ABCD3: variants seen among roughly 807,000 people sequenced by gnomAD.
ABCD3 encodes ATP-binding cassette sub-family D member 3.
ABCD3 carries 41 observed loss-of-function variants against 105.5 expected under a neutral mutation model. The ratio of observed to expected loss-of-function variants is 0.39; its 90% confidence interval spans 0.30 to 0.50. ABCD3 has a LOEUF of 0.50. ABCD3 is among the 20% of genes least tolerant of loss of function. The probability of loss-of-function intolerance (pLI) is 0.84; values close to 1 mark genes in which losing one functional copy is unlikely to be tolerated. For missense variants in ABCD3, 622 were observed against 806.3 expected (o/e 0.77, Z 2.77); for synonymous variants, 258 against 269.0 (o/e 0.96, Z 0.40).
chr1:94,392,426 G>GT, the ABCD3 span, among the ~76,000 whole-genome samples: 2 of 152,216 alleles, frequency 1.3e-5, no homozygotes, highest in Non-Finnish European at 2.9e-5. Context: ...TATGTGTGTT[G>GT]TGTTAGGTCA....
intron 21 of ABCD3, among the ~76,000 whole-genome samples, chr1:94,511,997 A>G (rs1035879008): frequency 4.9e-4 from 74 of 152,248 alleles, no homozygotes; most frequent in African/African-American, 1.7e-3. Flanking sequence ...CAGCTCGTCA[A>G]AGTCATTCTC....
chr1:94,517,464 C>T lies in ABCD3; in HGVS notation c.*335C>T, dbSNP rs1557696409. On this transcript the variant is annotated 3_prime_UTR_variant, in exon 23 of 23. Coordinates refer to ENST00000370214, the MANE Select transcript of ABCD3 (RefSeq NM_002858.4). ...AACCATTCGAAGTCAGCTAATTGGACTTTTATGGCTCTATCTTTTCCTTCA... is the reference window on the plus strand; with the variant it reads ...AACCATTCGAAGTCAGCTAATTGGATTTTTATGGCTCTATCTTTTCCTTCA... 7.1e-6 allele frequency: 2 copies of T among 283,162 alleles called. No homozygotes were observed. Among genetic ancestry groups the T allele is most frequent in the Non-Finnish European group, 1.4e-5 (2 of 146,776 alleles). The allele number at this position is 283,162 out of a possible 1,614,324, so 17.5% of individuals were successfully genotyped here.
intron 4 of ABCD3, among the ~76,000 whole-genome samples, chr1:94,469,935 G>T (rs1303996298): frequency 6.6e-6 from 1 of 152,072 alleles, no homozygotes; most frequent in Non-Finnish European, 1.5e-5. Context: ...AAAGTGCTGG[G>T]TCTTCTTGCT....
the ABCD3 span, among the ~76,000 whole-genome samples, chr1:94,402,650 C>G: frequency 6.6e-6 from 1 of 152,140 alleles, no homozygotes; most frequent in Non-Finnish European, 1.5e-5. Flanking sequence ...GTCCTCTACC[C>G]CCTTCACGCT....
chr1:94,467,895 T>A, intron 3 of ABCD3, 24 bp from the exon 4 acceptor site: 1 of 1,549,162 alleles, frequency 6.5e-7, no homozygotes. Flanking sequence ...ATGTATTTAA[T>A]TTACTATACC....
intron 4 of ABCD3, among the ~76,000 whole-genome samples, chr1:94,471,065 G>C (rs1051851006): frequency 6.6e-6 from 1 of 152,160 alleles, no homozygotes; most frequent in African/African-American, 2.4e-5. Flanking sequence ...CTAGAAGCTG[G>C]AGTTGAGAGC....
intron 1 of ABCD3, among the ~76,000 whole-genome samples, chr1:94,456,255 A>ATTTT (rs71094301): frequency 6.7e-5 from 3 of 44,892 alleles, no homozygotes; most frequent in African/African-American, 1.8e-4. Flanking sequence ...AAATGACAGA[A>ATTTT]TTTTTTTTTT....
At chr1:94,396,202 G>A in the ABCD3 span, among the ~76,000 whole-genome samples, 3 of 152,132 alleles carry the variant, frequency 2.0e-5, no homozygotes, top group Non-Finnish European at 4.4e-5. Flanking sequence ...GTGTGAGCTT[G>A]GGCAAGTTCC....
chr1:94,489,525 C>T (rs941348646), intron 13 of ABCD3, among the ~76,000 whole-genome samples, 200 bp from the exon 14 acceptor site: 1 of 151,960 alleles, frequency 6.6e-6, no homozygotes, highest in African/African-American at 2.4e-5. Context: ...ATGGAAACCT[C>T]TTCCTTCATC....
At chr1:94,464,484 G>A (rs893795618) in intron 2 of ABCD3, among the ~76,000 whole-genome samples, 1 of 151,982 alleles carries the variant, frequency 6.6e-6, no homozygotes, top group African/African-American at 2.4e-5. Context: ...CAAGCACGTT[G>A]CAGGTGTTCA....
intron 9 of ABCD3, chr1:94,482,708 G>A (rs1328795361): frequency 6.0e-6 from 1 of 165,400 alleles, no homozygotes; most frequent in Non-Finnish European, 1.3e-5. Context: ...GAAGCCGGTG[G>A]GACTTAGCCT....
At chr1:94,397,320 C>G in the ABCD3 span, among the ~76,000 whole-genome samples, 2 of 152,190 alleles carry the variant, frequency 1.3e-5, no homozygotes, top group Admixed American at 1.3e-4. Context: ...TCCACTTATG[C>G]TCTTTTTCTG....
intron 21 of ABCD3, chr1:94,514,817 T>C: frequency 3.6e-6 from 1 of 281,092 alleles, no homozygotes; most frequent in Non-Finnish European, 6.8e-6. Flanking sequence ...TAATTTTTCC[T>C]GATTTTGACC....
At chr1:94,482,155 T>A (rs1649059558) in intron 9 of ABCD3, 1 of 152,130 alleles carries the variant, frequency 6.6e-6, no homozygotes, top group Admixed American at 6.6e-5. Flanking sequence ...AGGTATAGAA[T>A]TGTAGGCTTC....
the ABCD3 span, among the ~76,000 whole-genome samples, chr1:94,397,752 G>A: frequency 6.6e-6 from 1 of 151,982 alleles, no homozygotes; most frequent in Non-Finnish European, 1.5e-5. Context: ...AACACTCAAG[G>A]GCTAGGTAAA....
chr1:94,498,895 A>G (rs1649964298), intron 18 of ABCD3, 47 bp downstream of exon 18: 3 of 1,610,648 alleles, frequency 1.9e-6, no homozygotes, highest in Non-Finnish European at 2.5e-6. Context: ...CTTTTTGTTT[A>G]TTTATTTTTT....
chr1:94,516,342 T>A (rs1650921746), intron 22 of ABCD3, among the ~76,000 whole-genome samples: 1 of 152,012 alleles, frequency 6.6e-6, no homozygotes, highest in Non-Finnish European at 1.5e-5. Context: ...ATAGCTTTTA[T>A]TATTTTATGG....
At chr1:94,496,322 T>C (rs986750936) in intron 16 of ABCD3, among the ~76,000 whole-genome samples, 3 of 152,164 alleles carry the variant, frequency 2.0e-5, no homozygotes, top group Non-Finnish European at 4.4e-5. Context: ...GAATCACATA[T>C]AAGTGAAGTC....
intron 1 of ABCD3, among the ~76,000 whole-genome samples, chr1:94,429,447 C>T (rs545384748): frequency 7.6e-4 from 115 of 152,236 alleles, no homozygotes; most frequent in Non-Finnish European, 1.3e-3. Flanking sequence ...TTGTGGCAGC[C>T]GCTCCCATCA....
Sources: allele counts gnomAD v4.1 joint callset (sites outside exome capture counted in the v4.1 genomes callset), GRCh38; gene constraint gnomAD v4.1.1; transcripts MANE v1.5; gene names NCBI Gene and HGNC (gene_info 2026-07-23, HGNC 2026-07-21).